The following CHL1 variants were observed in gnomAD, a reference collection of about 807,000 sequenced individuals.
CHL1 encodes the protein cell adhesion molecule L1 like.
In CHL1, 96 loss-of-function variants were observed where a neutral mutation model predicts 141.9. The ratio of observed to expected loss-of-function variants is 0.68; its 90% CI spans 0.57 to 0.80. CHL1 has a LOEUF of 0.80. CHL1 is among the 30% of genes least tolerant of loss of function. The pLI is 0.00. For missense variants in CHL1, 1,820 were observed against 1,457.2 expected (o/e 1.25, Z -4.05); for synonymous variants, 613 against 502.2 (o/e 1.22, Z -2.95).
chr3:387,152 A>G (rs1707804503), intron 19 of CHL1, among the ~76,000 whole-genome samples: 1 of 152,208 alleles, frequency 6.6e-6, no homozygotes, highest in Non-Finnish European at 1.5e-5. Context: ...ACTATGTTGG[A>G]CGTGCAAGCT....
At chr3:330,073 G>A (rs1381522500) in intron 5 of CHL1, among the ~76,000 whole-genome samples, 4 of 151,816 alleles carry the variant, frequency 2.6e-5, no homozygotes, top group Non-Finnish European at 5.9e-5. Flanking sequence ...TAACTAACAC[G>A]GCAAAATGAG....
At chr3:205,559 G>A (rs1369581162) in intron 1 of CHL1, among the ~76,000 whole-genome samples, 6 of 152,190 alleles carry the variant, frequency 3.9e-5, no homozygotes, top group Non-Finnish European at 5.9e-5. Flanking sequence ...AGAGTTGAAC[G>A]TAGTCCTGGC....
At chr3:374,485 A>G (rs1197396150) in intron 15 of CHL1, among the ~76,000 whole-genome samples, 1 of 152,118 alleles carries the variant, frequency 6.6e-6, no homozygotes, top group Non-Finnish European at 1.5e-5. Context: ...GGTGGGTAAT[A>G]TGACATGGAC....
chr3:280,913 CCACA>C (rs56209708), intron 2 of CHL1, among the ~76,000 whole-genome samples: 11,210 of 148,666 alleles, frequency 0.075, 457 homozygotes, highest in South Asian at 0.1. Context: ...CACACATGCA[CCACA>C]CACACACACA....
At chr3:359,530 T>G (rs1025543324) in intron 11 of CHL1, among the ~76,000 whole-genome samples, 2 of 152,130 alleles carry the variant, frequency 1.3e-5, no homozygotes, top group Non-Finnish European at 1.5e-5. Context: ...CTTGAACTCC[T>G]GACTTCAAGT....
chr3:313,392 T>C (rs1359787305), intron 2 of CHL1, among the ~76,000 whole-genome samples: 1 of 152,216 alleles, frequency 6.6e-6, no homozygotes, highest in Non-Finnish European at 1.5e-5. Flanking sequence ...CATCAGATTC[T>C]ATTTCCCTCT....
chr3:212,520 G>C (rs1210063990), intron 1 of CHL1, among the ~76,000 whole-genome samples: 1 of 151,918 alleles, frequency 6.6e-6, no homozygotes, highest in Non-Finnish European at 1.5e-5. Flanking sequence ...TTTCTGCCTC[G>C]AACAGTCACT....
intron 2 of CHL1, among the ~76,000 whole-genome samples, chr3:291,339 C>G (rs1385787078): frequency 6.6e-6 from 1 of 152,008 alleles, no homozygotes; most frequent in African/African-American, 2.4e-5. Context: ...GTATTCTACC[C>G]AGGTCTTTTC....
chr3:198,991 CAG>C (rs1698676541), intron 1 of CHL1, among the ~76,000 whole-genome samples: 1 of 152,184 alleles, frequency 6.6e-6, no homozygotes, highest in South Asian at 2.1e-4. Flanking sequence ...AAGTTTATCC[CAG>C]AGTTTTTCTT....
intron 15 of CHL1, chr3:376,491 C>A: frequency 4.1e-6 from 2 of 483,122 alleles, no homozygotes; most frequent in South Asian, 1.6e-5. Context: ...TAATTGGAGG[C>A]ACCTAAGATA....
chr3:289,494 A>G (rs192050764), intron 2 of CHL1, among the ~76,000 whole-genome samples: 17 of 152,278 alleles, frequency 1.1e-4, no homozygotes, highest in African/African-American at 3.8e-4. Flanking sequence ...ATCTCTCATT[A>G]TTCATGGTAG....
chr3:247,625 C>T (rs1693293055), intron 2 of CHL1: 1 of 152,056 alleles, frequency 6.6e-6, no homozygotes. Flanking sequence ...TCTCTGGATC[C>T]TGCTATCTTG....
rs1559349690 is a variant in CHL1, at chr3:390,691, T to C, written c.2471-10T>C. On this transcript the variant is annotated splice_polypyrimidine_tract_variant and intron_variant, in intron 20 of 27. Coordinates refer to ENST00000256509, the MANE Select transcript of CHL1 (RefSeq NM_006614.4). ...TTATTGAAAACTAATCAATCTTCTA[T>C]GATTAACAGATCCTGATACAGCTCC... 1.4e-6 allele frequency: 2 copies of C among 1,458,704 alleles called. No individual in the cohort carries two copies. The highest frequency in any genetic ancestry group is 3.4e-5 in the Admixed American group (2 of 59,156). 90.4% of individuals were successfully genotyped at this position (1,458,704 alleles called of 1,614,324 possible).
intron 2 of CHL1, chr3:247,457 A>C (rs569981826): frequency 3.7e-4 from 57 of 152,182 alleles, no homozygotes; most frequent in African/African-American, 1.3e-3. Flanking sequence ...TTTTATTTTC[A>C]TCATTACCTC....
chr3:207,338 T>C (rs1699529203), intron 1 of CHL1, among the ~76,000 whole-genome samples: 1 of 152,242 alleles, frequency 6.6e-6, no homozygotes, highest in South Asian at 2.1e-4. Context: ...ATGGCTTTTC[T>C]ATAAAGCTTT....
intron 19 of CHL1, among the ~76,000 whole-genome samples, chr3:384,099 G>A (rs921891940): frequency 1.3e-5 from 2 of 152,004 alleles, no homozygotes; most frequent in African/African-American, 4.8e-5. Flanking sequence ...AACAATTTAG[G>A]GAAGATTATA....
chr3:398,907 A>G (rs1708892206), intron 25 of CHL1, 110 bp from the exon 26 acceptor site: 2 of 978,680 alleles, frequency 2.0e-6, no homozygotes, highest in Non-Finnish European at 3.1e-6. Context: ...TCATTAAAAA[A>G]ACTGATACTA....
intron 10 of CHL1, among the ~76,000 whole-genome samples, chr3:350,127 T>C (rs1703118844): frequency 6.6e-6 from 1 of 152,240 alleles, no homozygotes; most frequent in Admixed American, 6.5e-5. Context: ...GACTGTATGC[T>C]ATAATATTAA....
At chr3:390,630 AT>A in intron 20 of CHL1, 70 bp from the exon 21 acceptor site, 1 of 891,026 alleles carries the variant, frequency 1.1e-6, no homozygotes. Context: ...CATTATGAAA[AT>A]TTTTGAAAAG....
Sources: gnomAD v4.1 joint callset for allele counts (sites outside exome capture counted in the v4.1 genomes callset) on GRCh38, gnomAD v4.1.1 for gene constraint, MANE v1.5 for transcripts, NCBI Gene and HGNC (gene_info 2026-07-23, HGNC 2026-07-21) for gene names.